TRPV3: variants seen among roughly 807,000 people sequenced by gnomAD.
The protein encoded by TRPV3 is VRL-3.
In TRPV3, 88 loss-of-function variants were observed where a neutral mutation model predicts 87.1. That is an observed-to-expected ratio of 1.01 (90% CI 0.85 to 1.21). The LOEUF is 1.21. TRPV3 is among the 50% of genes most tolerant of loss of function. The pLI, the probability that TRPV3 is intolerant of heterozygous loss-of-function variation, is 0.00. For synonymous variants in TRPV3, 438 were observed against 423.3 expected (o/e 1.03, Z -0.43); for missense variants, 1,054 against 1,030.1 (o/e 1.02, Z -0.32).
At chr17:3,531,480 A>T (rs775156247) in intron 8 of TRPV3, among the ~76,000 whole-genome samples, 12 of 152,136 alleles carry the variant, frequency 7.9e-5, no homozygotes, top group Non-Finnish European at 1.5e-4. Flanking sequence ...CATCCAGAAA[A>T]GTTTTCTGGA....
In TRPV3 at chr17:3,515,020, G is replaced by A. The variant is rs118132822; in HGVS notation, c.2199-348C>T. On this transcript the variant is annotated intron_variant, in intron 16 of 17. Coordinates refer to ENST00000576742, the MANE Select transcript of TRPV3 (RefSeq NM_145068.4). Reference sequence around the variant, plus strand: ...GCGGGGACAGACAGAGGGAGGGCCCGGGCCACGAGGGTGTGAAGATTAAAC... The same window carrying A: ...GCGGGGACAGACAGAGGGAGGGCCCAGGCCACGAGGGTGTGAAGATTAAAC... Among the ~76,000 whole-genome samples the A allele has an allele frequency of 2.6e-4, 40 of 152,250 alleles. No homozygotes were observed. In the East Asian group the frequency reaches 5.8e-3, roughly 22 times the overall value.
At chr17:3,529,760 C>T (rs1327315416) in intron 9 of TRPV3, among the ~76,000 whole-genome samples, 1 of 151,990 alleles carries the variant, frequency 6.6e-6, no homozygotes, top group East Asian at 1.9e-4. Flanking sequence ...GCCCTGGATA[C>T]TCGGTCCAGA....
At position 3,532,397 on chromosome 17, in the gene TRPV3, C is replaced by T. The variant is rs448402; in HGVS notation, c.1065+260G>A. 0.56 allele frequency among the ~76,000 whole-genome samples: 85,199 copies of T among 152,192 alleles called. 24,604 individuals carry two copies. The highest frequency in any genetic ancestry group is 0.73 in the East Asian group (3,744 of 5,164). ...CCTCAGGCTCCCCCAGCCTAGCCCT[C>T]CCAGGACAAGAGATGGAAACGCGGC... On this transcript the variant is annotated intron_variant, in intron 8 of 17. Transcript: ENST00000576742.
rs2074202709 is a variant in TRPV3 at position 3,518,346 on chromosome 17, A to T, written c.2085+230T>A. On this transcript the variant is annotated intron_variant, in intron 15 of 17. Transcript: ENST00000576742. The surrounding 1 kb of genome is among the most constrained non-coding windows in gnomAD (Gnocchi z 4.3). ...TCACACTGTCAACCCTGAGCAGAGC[A>T]CCCCCATGAGCCTGAGTTTTTCTAC... 1.3e-5 allele frequency among the ~76,000 whole-genome samples: 2 copies of T among 152,036 alleles called. No homozygotes were observed. The highest frequency in any genetic ancestry group is 2.9e-5 in the Non-Finnish European group (2 of 68,012).
At chr17:3,539,930 C>T (rs2074443541) in intron 6 of TRPV3, among the ~76,000 whole-genome samples, 1 of 152,040 alleles carries the variant, frequency 6.6e-6, no homozygotes, top group South Asian at 2.1e-4. Flanking sequence ...AACTGAGGCT[C>T]AGAGAGGTGA....
chr17:3,534,506 A>G (rs2074381750), intron 7 of TRPV3, among the ~76,000 whole-genome samples: 1 of 152,176 alleles, frequency 6.6e-6, no homozygotes, highest in Non-Finnish European at 1.5e-5. Context: ...TTACACAGAG[A>G]AATTTTTGTG....
At chr17:3,555,703 G>A (rs377302348) in intron 1 of TRPV3, among the ~76,000 whole-genome samples, 4 of 152,176 alleles carry the variant, frequency 2.6e-5, no homozygotes, top group South Asian at 2.1e-4. Context: ...AGGATAGACC[G>A]TACAGGCTGC....
chr17:3,530,309 A>G lies in TRPV3; in HGVS notation c.1066-106T>C, dbSNP rs1440794390. On this transcript the variant is annotated intron_variant, in intron 8 of 17. Transcript: ENST00000576742. The surrounding 1 kb of genome is among the most constrained non-coding windows in gnomAD (Gnocchi z 4.0). ...GGGCCCAGGGGATACACCCGCCCAG[A>G]ATGGGTGGAGACCTGCCTCTGCGCC... is the stretch of plus-strand genomic sequence containing the variant. 6.0e-6 allele frequency: 7 copies of G among 1,157,934 alleles called. No individual in the cohort carries two copies. Among genetic ancestry groups the G allele is most frequent in the African/African-American group, 1.6e-5 (1 of 64,470 alleles). The allele number at this position is 1,157,934 out of a possible 1,614,324, so 71.7% of individuals were successfully genotyped here.
At position 3,514,393 on chromosome 17, in the gene TRPV3, C is replaced by G. The variant is rs550177227; in HGVS notation, c.2278+200G>C. On this transcript the variant is annotated intron_variant, in intron 17 of 17. Coordinates refer to ENST00000576742, the MANE Select transcript of TRPV3 (RefSeq NM_145068.4). ...CGCGCCCGGCCTGCATGATGTGTTTCTATGGCTTAGGGCTACGCCATTTTA... is the reference window on the plus strand; with the variant it reads ...CGCGCCCGGCCTGCATGATGTGTTTGTATGGCTTAGGGCTACGCCATTTTA... The G allele has an allele frequency of 5.3e-4, 313 of 591,526 alleles. 3 individuals carry two copies. The South Asian group carries it at 6.0e-3, about 11-fold the overall frequency. 36.6% of individuals were successfully genotyped at this position (591,526 alleles called of 1,614,324 possible). A position where few individuals can be genotyped will look rare whatever the true frequency, so the allele number is the denominator to read the frequency against.
Position 3,556,612 on chromosome 17 carries a change from G to A in TRPV3, c.-3+1064C>T, listed in dbSNP as rs969857505. On this transcript the variant is annotated intron_variant, in intron 1 of 17. Coordinates refer to ENST00000576742, the MANE Select transcript of TRPV3 (RefSeq NM_145068.4). This position sits in a 1 kb window ranked among gnomAD's most constrained non-coding sequence, Gnocchi z 4.2. ...GGAAAGCTTCCTGGAGGAAGTTTCC[G>A]GAGCCAGGTGTCATCAGGCTGGAGA... Among the ~76,000 whole-genome samples the A allele has an allele frequency of 1.3e-5, 2 of 152,176 alleles. No individual in the cohort carries two copies. Among genetic ancestry groups the A allele is most frequent in the East Asian group, 1.9e-4 (1 of 5,184 alleles).
chr17:3,551,870 CTTT>C (rs747932928), intron 2 of TRPV3, among the ~76,000 whole-genome samples: 4 of 43,350 alleles, frequency 9.2e-5, no homozygotes, highest in African/African-American at 1.7e-4. Flanking sequence ...GTAATTTATT[CTTT>C]TTTTTTTTTT....
rs2074362535 is a variant in TRPV3 at position 3,532,928 on chromosome 17, G to A, written c.794C>T (p.Pro265Leu). 3.7e-6 allele frequency: 6 copies of A among 1,613,940 alleles called. No homozygotes were observed. Among genetic ancestry groups the A allele is most frequent in the East Asian group, 2.2e-5 (1 of 44,876 alleles). Residue 265 changes from proline to leucine, a missense_variant, in exon 8 of 18, where the codon CCC (proline) becomes CTC (leucine). By Grantham distance (98) the Pro-to-Leu change is moderately conservative. Transcript: ENST00000576742. ...GTTGGTGCATGCTGCCAGGGCCAGG[G>A]GCGTCTCACCTGGGGGATGAGCGCA... ...QHEGFYFGETPLALAACTNQP... is the reference protein window; with the variant it reads ...QHEGFYFGETLLALAACTNQP...
At chr17:3,542,721 A>G (rs2074479150) in intron 5 of TRPV3, 23 bp from the exon 6 acceptor site, 1 of 1,608,932 alleles carries the variant, frequency 6.2e-7, no homozygotes, top group African/African-American at 1.3e-5. Flanking sequence ...CCATGGGTGG[A>G]GTTACAGGAG....
At chr17:3,521,170 C>A in intron 13 of TRPV3, 131 bp from the exon 14 acceptor site, 1 of 473,542 alleles carries the variant, frequency 2.1e-6, no homozygotes, top group South Asian at 2.1e-5. Context: ...CTCCCTTCCC[C>A]CAGCCAAATC....
chr17:3,534,949 A>G (rs936206838), intron 7 of TRPV3, among the ~76,000 whole-genome samples: 1 of 151,872 alleles, frequency 6.6e-6, no homozygotes, highest in Non-Finnish European at 1.5e-5. Context: ...TAAGACCACC[A>G]GGTGACACCA....
chr17:3,544,783 G>A (rs1050967188), intron 3 of TRPV3, 118 bp from the exon 4 acceptor site: 1 of 708,578 alleles, frequency 1.4e-6, no homozygotes, highest in African/African-American at 1.8e-5. Flanking sequence ...GATCACTTGA[G>A]GTCAGGAGTT....
chr17:3,542,146 G>C (rs1450531753), intron 6 of TRPV3, among the ~76,000 whole-genome samples: 2 of 151,636 alleles, frequency 1.3e-5, no homozygotes, highest in African/African-American at 4.9e-5. Flanking sequence ...TAGTAGAGAC[G>C]GGGTTTCACC....
chr17:3,515,530 A>G (rs557582795), intron 16 of TRPV3, among the ~76,000 whole-genome samples: 7 of 152,216 alleles, frequency 4.6e-5, no homozygotes, highest in African/African-American at 1.4e-4. Flanking sequence ...GCGTGGTGGC[A>G]TATGCCTGCA....
intron 15 of TRPV3, among the ~76,000 whole-genome samples, chr17:3,517,881 C>T (rs776043052): frequency 7.3e-5 from 11 of 149,774 alleles, no homozygotes; most frequent in Non-Finnish European, 1.2e-4. Context: ...TGCCATGACA[C>T]AATCTCAACT....
Sources: gnomAD v4.1 joint callset for allele counts (sites outside exome capture counted in the v4.1 genomes callset) on GRCh38, gnomAD v4.1.1 for gene constraint, Gnocchi (gnomAD v3.1) non-coding constraint, MANE v1.5 for transcripts, NCBI Gene and HGNC (gene_info 2026-07-23, HGNC 2026-07-21) for gene names.